The following NIM1K variants were observed in gnomAD, a reference collection of about 807,000 sequenced individuals.
The protein encoded by NIM1K is NIM1 serine/threonine protein kinase.
A neutral mutation model predicts 37.1 loss-of-function variants in NIM1K; 35 were observed. The ratio of observed to expected loss-of-function variants is 0.94; its 90% CI spans 0.72 to 1.25. The LOEUF is 1.25. Ranked by LOEUF, NIM1K falls within the 50% of genes most tolerant of loss-of-function variation. The pLI, the probability that NIM1K is intolerant of heterozygous loss-of-function variation, is 0.00. For missense variants in NIM1K, 564 were observed against 548.0 expected, an observed-to-expected ratio of 1.03 and a Z score of -0.29; for synonymous variants, 234 against 206.6, an observed-to-expected ratio of 1.13 and a Z score of -1.14.
chr5:43,271,028 GTGATGTTTTAGAAATTACAAGCC>G (rs1385115687), intron 2 of NIM1K, among the ~76,000 whole-genome samples: 4 of 151,348 alleles, frequency 2.6e-5, no homozygotes, highest in Non-Finnish European at 5.9e-5. Context: ...GCAGCCAGAG[GTGATGTTTTAGAAATTACAAGCC>G]TGATCATGTA....
intron 2 of NIM1K, among the ~76,000 whole-genome samples, chr5:43,269,327 A>AAAAC (rs1753219531): frequency 6.6e-6 from 1 of 150,820 alleles, no homozygotes; most frequent in African/African-American, 2.4e-5. Context: ...AAAGAAAAAA[A>AAAAC]AAAAAGAATA....
At chr5:43,257,521 C>A (rs1489592930) in intron 2 of NIM1K, among the ~76,000 whole-genome samples, 1 of 151,846 alleles carries the variant, frequency 6.6e-6, no homozygotes, top group African/African-American at 2.4e-5. Context: ...GTGTGTGCCA[C>A]CATGCCTGGC....
chr5:43,244,828 T>C (rs1752752725), intron 1 of NIM1K, among the ~76,000 whole-genome samples: 1 of 152,214 alleles, frequency 6.6e-6, no homozygotes, highest in Non-Finnish European at 1.5e-5. Context: ...TCTTAAACTT[T>C]AAGAAATAGA....
chr5:43,274,821 C>G (rs980388525), intron 2 of NIM1K, among the ~76,000 whole-genome samples: 1 of 152,186 alleles, frequency 6.6e-6, no homozygotes, highest in African/African-American at 2.4e-5. Flanking sequence ...TTTAAACTAG[C>G]TGTATCCATT....
At chr5:43,255,659 A>G (rs1561088834) in intron 2 of NIM1K, among the ~76,000 whole-genome samples, 1 of 151,386 alleles carries the variant, frequency 6.6e-6, no homozygotes, top group Non-Finnish European at 1.5e-5. Flanking sequence ...TGAGGCAGGA[A>G]AATCGCTTGA....
chr5:43,216,640 A>G (rs1401815541), intron 1 of NIM1K, among the ~76,000 whole-genome samples: 1 of 152,166 alleles, frequency 6.6e-6, no homozygotes, highest in Non-Finnish European at 1.5e-5. Context: ...GTAGGAGGAG[A>G]GAAGCACTGA....
chr5:43,239,160 C>A (rs1252619466), intron 1 of NIM1K, among the ~76,000 whole-genome samples: 1 of 151,984 alleles, frequency 6.6e-6, no homozygotes, highest in Non-Finnish European at 1.5e-5. Flanking sequence ...AGTTGCTTAT[C>A]ACTAATTTTC....
chr5:43,273,150 G>C (rs1753283110), intron 2 of NIM1K, among the ~76,000 whole-genome samples: 1 of 151,312 alleles, frequency 6.6e-6, no homozygotes, highest in Non-Finnish European at 1.5e-5. Context: ...ACTCCCACTT[G>C]CTCCCAGGCT....
At chr5:43,197,321 G>C (rs79769024) in intron 1 of NIM1K, among the ~76,000 whole-genome samples, 8,184 of 149,938 alleles carry the variant, frequency 0.055, 309 homozygotes, top group South Asian at 0.081. Context: ...AGAGTTGTCG[G>C]TGGTAGGGGG....
chr5:43,269,036 G>A lies in NIM1K; in HGVS notation c.293-8021G>A, dbSNP rs535486395. 8.6e-5 allele frequency among the ~76,000 whole-genome samples: 13 copies of A among 151,906 alleles called. 1 individual carries two copies. Among genetic ancestry groups the A allele is most frequent in the East Asian group, 1.9e-4 (1 of 5,170 alleles). ...AGAATAGCCACTCCTACCCGGGCAC[G>A]GTGGCTCACACCTGTAAATCCCAGC... On this transcript the variant is annotated intron_variant, in intron 2 of 3. Transcript: ENST00000326035.
chr5:43,269,308 C>CAAAAAAAAAA (rs1359809549), intron 2 of NIM1K, among the ~76,000 whole-genome samples: 5 of 55,698 alleles, frequency 9.0e-5, no homozygotes, highest in East Asian at 6.1e-4. Flanking sequence ...GACTTCATCT[C>CAAAAAAAAAA]AAAAAAAAAA....
rs1327926742 is a variant in NIM1K, at chr5:43,206,718, C to T, written c.-695+14307C>T. On this transcript the variant is annotated intron_variant, in intron 1 of 3. Coordinates refer to ENST00000326035, the MANE Select transcript of NIM1K (RefSeq NM_153361.4). ...ACAGGGCCTCGCCTCACTAAGGCAG[C>T]AGCACAGCACACTTGACTTCATGCT... 1.3e-5 allele frequency: 9 copies of T among 719,234 alleles called. 1 individual carries two copies. Among genetic ancestry groups the T allele is most frequent in the East Asian group, 1.0e-4 (4 of 38,630 alleles). 44.6% of individuals were successfully genotyped at this position (719,234 alleles called of 1,614,324 possible). A position where few individuals can be genotyped will look rare whatever the true frequency, so the allele number is the denominator to read the frequency against.
intron 1 of NIM1K, among the ~76,000 whole-genome samples, chr5:43,243,362 T>C (rs1752731709): frequency 6.6e-6 from 1 of 152,212 alleles, no homozygotes; most frequent in African/African-American, 2.4e-5. Context: ...TGGGGAGATC[T>C]AGTGCCACTT....
intron 1 of NIM1K, chr5:43,232,560 T>C: frequency 6.3e-7 from 1 of 1,580,720 alleles, no homozygotes; most frequent in Non-Finnish European, 8.6e-7. Flanking sequence ...CCTCATTGTC[T>C]ACCATGAAGA....
intron 3 of NIM1K, among the ~76,000 whole-genome samples, chr5:43,277,809 TGTGTGTGAGA>T (rs1399052808): frequency 6.8e-5 from 10 of 146,760 alleles, no homozygotes; most frequent in Non-Finnish European, 1.5e-5. Context: ...TGTGTGTGTG[TGTGTGTGAGA>T]GAGAGAGAGA....
intron 2 of NIM1K, among the ~76,000 whole-genome samples, chr5:43,249,851 T>G (rs1031013743): frequency 1.2e-4 from 3 of 24,066 alleles, no homozygotes; most frequent in Non-Finnish European, 4.7e-4. Context: ...TATGGATTAG[T>G]TTTTTTTTTT....
At chr5:43,253,658 G>A (rs183294148) in intron 2 of NIM1K, among the ~76,000 whole-genome samples, 1 of 151,588 alleles carries the variant, frequency 6.6e-6, no homozygotes. Context: ...GAAAGCTACT[G>A]AAGAGTTTTT....
intron 2 of NIM1K, among the ~76,000 whole-genome samples, chr5:43,248,961 G>A (rs1404982022): frequency 6.6e-6 from 1 of 151,582 alleles, no homozygotes; most frequent in Non-Finnish European, 1.5e-5. Context: ...CTCAACCTCC[G>A]CCTCCCAGGT....
chr5:43,207,843 A>G lies in NIM1K; in HGVS notation c.-695+15432A>G, dbSNP rs185504959. ...ATAGCCCCTAACCACATGTGTTGCA[A>G]ATAGCCTTCCTGACCTCCATATGCT... is the stretch of plus-strand genomic sequence containing the variant. On this transcript the variant is annotated intron_variant, in intron 1 of 3. Transcript: ENST00000326035. The G allele has an allele frequency of 1.2e-5, 4 of 342,832 alleles. No homozygotes were observed. The East Asian group carries it at 2.7e-4, about 23-fold the overall frequency. 21.2% of individuals were successfully genotyped at this position (342,832 alleles called of 1,614,324 possible).
Sources: allele counts gnomAD v4.1 joint callset (sites outside exome capture counted in the v4.1 genomes callset), GRCh38; gene constraint gnomAD v4.1.1; transcripts MANE v1.5; gene names NCBI Gene and HGNC (gene_info 2026-07-23, HGNC 2026-07-21).